The following KMT2D variants were observed in gnomAD, a reference collection of about 807,000 sequenced individuals.
KMT2D encodes the protein histone-lysine N-methyltransferase 2D.
KMT2D carries 55 observed loss-of-function variants against 512.7 expected under a neutral mutation model. That is an observed-to-expected ratio of 0.11 (90% CI 0.09 to 0.13). The LOEUF is 0.13. Ranked by LOEUF, KMT2D falls within the 10% of genes least tolerant of loss-of-function variation. The pLI is 1.00. For synonymous variants in KMT2D, 2,995 were observed against 2,904.0 expected, an observed-to-expected ratio of 1.03 and a Z score of -1.01; for missense variants, 6,061 against 7,127.9, an observed-to-expected ratio of 0.85 and a Z score of 5.39.
chr12:49,030,966 A>G lies in KMT2D; in HGVS notation c.13598T>C (p.Val4533Ala). The G allele has an allele frequency of 6.2e-7, 1 of 1,613,966 alleles. No individual in the cohort carries two copies. Among genetic ancestry groups the G allele is most frequent in the South Asian group, 1.1e-5 (1 of 91,082 alleles). ...KRVQKASDRLVSSRKKLRKED... is the reference protein window; with the variant it reads ...KRVQKASDRLASSRKKLRKED... ...CTTCCGCAGCTTCTTTCGGGAGCTC[A>G]CCAACCTGTCGCTTGCCTTCTGTAC... The change falls in exon 41 of 55, where the codon GTG (valine) becomes GCG (alanine). Residue 4533 changes from valine (V) to alanine (A), a missense_variant. This residue lies in a region of KMT2D where 1,600 missense variants were observed against 1,754.9 expected (regional missense o/e 0.91). Transcript: ENST00000301067.
rs2120571977 is a variant in KMT2D, at chr12:49,043,692, G to C, written c.5410C>G (p.Pro1804Ala). The C allele has an allele frequency of 6.2e-7, 1 of 1,613,972 alleles. No individual in the cohort carries two copies. ...GAGCCTCCATCTCCCTTGGCTTTTG[G>C]GGTCCCTAGTCCAAAGCTTGGCCGG... is the stretch of plus-strand genomic sequence containing the variant. Reference protein sequence around the residue: ...VGRPSFGLGTPKAKGDGGSER... With the variant: ...VGRPSFGLGTAKAKGDGGSER... Residue 1804 changes from proline to alanine, a missense_variant, in exon 24 of 55, where the codon CCA (proline) becomes GCA (alanine). By Grantham distance (27) the Pro-to-Ala change is conservative. Transcript: ENST00000301067.
chr12:49,022,229 G>C lies in KMT2D; in HGVS notation c.16412+51C>G, dbSNP rs1942364585. On this transcript the variant is annotated intron_variant, in intron 53 of 54. Transcript: ENST00000301067. The surrounding 1 kb of genome is among the most constrained non-coding windows in gnomAD (Gnocchi z 8.6). ...TGATTCCTTGTTCGTCTATCCCCCA[G>C]AGTGCCACTCTCAGGGACCACTAAA... The C allele has an allele frequency of 1.9e-6, 3 of 1,600,358 alleles. No homozygotes were observed. In the South Asian group the frequency reaches 3.3e-5, roughly 18 times the overall value.
At chr12:49,021,996 AAGG>A (rs773905446) in intron 54 of KMT2D, 44 bp downstream of exon 54, 1 of 1,576,560 alleles carries the variant, frequency 6.3e-7, no homozygotes, top group Non-Finnish European at 8.7e-7. Context: ...GAAGGGGTGA[AAGG>A]AGGAGGAGCT....
rs1283072905 is a variant in KMT2D at position 49,031,315 on chromosome 12, G to C, written c.13390C>G (p.Gln4464Glu). 1.2e-6 allele frequency: 2 copies of C among 1,613,472 alleles called. No homozygotes were observed. The highest frequency in any genetic ancestry group is 1.1e-5 in the South Asian group (1 of 91,090). Residue 4464 changes from glutamine (Q) to glutamate (E), a missense_variant, in exon 40 of 55, where the codon CAG becomes GAG. This residue lies in a region of KMT2D where 1,600 missense variants were observed against 1,754.9 expected (regional missense o/e 0.91). Coordinates refer to ENST00000301067, the MANE Select transcript of KMT2D (RefSeq NM_003482.4). The part of the protein sequence containing the change: ...PRSEAGHLLL[Q>E]KLLRAKNVQL... ...ACATTCTTTGCCCGGAGTAGCTTCT[G>C]CAAGAGCAGATGCCCAGCTTCTGAG...
At position 49,042,154 on chromosome 12, in the gene KMT2D, A is replaced by G. The variant is rs1420425888; in HGVS notation, c.6044T>C (p.Leu2015Pro). 6.2e-7 allele frequency: 1 copy of G among 1,613,246 alleles called. No individual in the cohort carries two copies. Among genetic ancestry groups the G allele is most frequent in the Admixed American group, 1.7e-5 (1 of 59,902 alleles). ...ATAGAGCACAGGTGAGATGGTGGACAGCTGGCCCAACTCCTCATCCTTCTC... is the reference window on the plus strand; with the variant it reads ...ATAGAGCACAGGTGAGATGGTGGACGGCTGGCCCAACTCCTCATCCTTCTC... ...RWEKDEELGQ[L>P]STISPVLYAN... Residue 2015 changes from leucine to proline, a missense_variant, in exon 29 of 55, where the codon CTG (leucine) becomes CCG (proline). Leu to Pro is a moderately conservative substitution (Grantham distance 98). Transcript: ENST00000301067. The surrounding 1 kb of genome is among the most constrained non-coding windows in gnomAD (Gnocchi z 4.4).
At position 49,028,731 on chromosome 12, in the gene KMT2D, T is replaced by C. The variant is rs909249051; in HGVS notation, c.14382+97A>G. On this transcript the variant is annotated intron_variant, in intron 46 of 54. Transcript: ENST00000301067. ...TCACATACAATAGGTACTCAGTACA[T>C]GTGCTTGAACGACTACATTTTTCCT... 1.7e-5 allele frequency: 25 copies of C among 1,493,672 alleles called. No homozygotes were observed. The South Asian group carries it at 2.7e-4, about 16-fold the overall frequency. The allele number at this position is 1,493,672 out of a possible 1,614,324, so 92.5% of individuals were successfully genotyped here.
In KMT2D at chr12:49,034,366, C is replaced by T. The variant is rs1761754002; in HGVS notation, c.10507+44G>A. On this transcript the variant is annotated intron_variant, in intron 38 of 54. Transcript: ENST00000301067. ...TCCCAATCCCTCTTCCTCCATATGACCCAAACCACTCCCCTGCACCTTCCT... is the reference window on the plus strand; with the variant it reads ...TCCCAATCCCTCTTCCTCCATATGATCCAAACCACTCCCCTGCACCTTCCT... 6 of 1,612,228 alleles carry T rather than the reference C, an allele frequency of 3.7e-6. No homozygotes were observed. In the Middle Eastern group the frequency reaches 4.9e-4, roughly 132 times the overall value.
chr12:49,032,558 T>C lies in KMT2D; in HGVS notation c.12147A>G (p.Leu4049=). 16 of 1,612,472 alleles carry C rather than the reference T, an allele frequency of 9.9e-6. No individual in the cohort carries two copies. The highest frequency in any genetic ancestry group is 1.4e-5 in the Non-Finnish European group (16 of 1,179,246). Residue 4049 remains leucine (L), a synonymous_variant, in exon 40 of 55, where the codon TTA becomes TTG. Coordinates refer to ENST00000301067, the MANE Select transcript of KMT2D (RefSeq NM_003482.4). The part of the protein sequence containing the change: ...EGPSTHQGGP[L]AIGTTPESMA... ...TTGACTCAGGGGTAGTTCCTATTGC[T>C]AACGGCCCTCCCTGATGTGTAGAGG...
rs777308502 is a variant in KMT2D, at chr12:49,055,335, G to T, written c.-11C>A. On this transcript the variant is annotated 5_prime_UTR_variant, in exon 2 of 55. Transcript: ENST00000301067. Reference sequence around the variant, plus strand: ...CTTCTGGCTGTCCATCCCTCTCTCCGACTGGGCAGGGCCCTCTCGGGGAGA... The same window carrying T: ...CTTCTGGCTGTCCATCCCTCTCTCCTACTGGGCAGGGCCCTCTCGGGGAGA... 19 of 1,613,490 alleles carry T rather than the reference G, an allele frequency of 1.2e-5. No individual in the cohort carries two copies. The highest frequency in any genetic ancestry group is 1.7e-5 in the Admixed American group (1 of 59,990).
rs774883599 is a variant in KMT2D, at chr12:49,033,692, G to A, written c.11013C>T (p.Pro3671=). ...GMALPGQPGG[P]FLNTALAQQQ... is the part of the protein sequence containing the mutation. Reference sequence around the variant, plus strand: ...GTTGGGCCAGAGCTGTATTAAGGAAGGGGCCACCAGGCTGTCCAGGTAGTG... The same window carrying A: ...GTTGGGCCAGAGCTGTATTAAGGAAAGGGCCACCAGGCTGTCCAGGTAGTG... The change falls in exon 40 of 55, where the codon CCC becomes CCT. Residue 3671 remains proline, a synonymous_variant. Transcript: ENST00000301067. 3.1e-6 allele frequency: 5 copies of A among 1,613,572 alleles called. No individual in the cohort carries two copies. The highest frequency in any genetic ancestry group is 4.2e-6 in the Non-Finnish European group (5 of 1,179,890).
rs1943001084 is a variant in KMT2D at position 49,032,852 on chromosome 12, C to T, written c.11853G>A (p.Gln3951=). ...GCTGTTGCTGTTGTAGCTGCTGTTG[C>T]TGCTGTTGAAGCTGTTGCTGCTGCT... is the stretch of plus-strand genomic sequence containing the variant. ...QQQQQQQLQQ[Q]QQQLQQQQQQ... The change falls in exon 40 of 55, where the codon CAG becomes CAA. Residue 3951 remains glutamine (Q), a synonymous_variant. Transcript: ENST00000301067. The T allele has an allele frequency of 6.5e-7, 1 of 1,550,022 alleles. No individual in the cohort carries two copies. Among genetic ancestry groups the T allele is most frequent in the African/African-American group, 1.4e-5 (1 of 72,960 alleles).
In KMT2D at chr12:49,042,110, T is replaced by C. The variant is rs771729772; in HGVS notation, c.6088A>G (p.Asn2030Asp). 2 of 1,613,574 alleles carry C rather than the reference T, an allele frequency of 1.2e-6. No homozygotes were observed. Among genetic ancestry groups the C allele is most frequent in the East Asian group, 2.2e-5 (1 of 44,880 alleles). Residue 2030 changes from asparagine to aspartate, a missense_variant, in exon 29 of 55, where the codon AAT becomes GAT. Coordinates refer to ENST00000301067, the MANE Select transcript of KMT2D (RefSeq NM_003482.4). The surrounding 1 kb of genome is among the most constrained non-coding windows in gnomAD (Gnocchi z 4.4). ...GTACCTGGGTAGTCTTGCTTGAGAT[T>C]AGGAAAATTAATGTTGGCATAGAGC... ...PVLYANINFP[N>D]LKQDYPDWSS... is the part of the protein sequence containing the mutation.
chr12:49,026,124 G>T lies in KMT2D; in HGVS notation c.15784+58C>A. ...GTCCTCTTATAGACATTGTAACAGT[G>T]ACCCTGGGAGAAACTTTTCCCATTC... On this transcript the variant is annotated intron_variant, in intron 49 of 54. Coordinates refer to ENST00000301067, the MANE Select transcript of KMT2D (RefSeq NM_003482.4). The surrounding 1 kb of genome is among the most constrained non-coding windows in gnomAD (Gnocchi z 9.6). The T allele has an allele frequency of 7.5e-6, 11 of 1,467,398 alleles. No individual in the cohort carries two copies. Among genetic ancestry groups the T allele is most frequent in the Non-Finnish European group, 9.2e-6 (10 of 1,088,308 alleles). 90.9% of individuals were successfully genotyped at this position (1,467,398 alleles called of 1,614,324 possible). A position where few individuals can be genotyped will look rare whatever the true frequency, so the allele number is the denominator to read the frequency against.
intron 10 of KMT2D, 53 bp downstream of exon 10, chr12:49,052,511 C>G (rs1293208490): frequency 1.3e-6 from 2 of 1,593,888 alleles, no homozygotes; most frequent in Non-Finnish European, 1.7e-6. Context: ...CAAACTGTCT[C>G]TTGCCATAGA....
rs587778465 is a variant in KMT2D, at chr12:49,040,958, G to A, written c.6812C>T (p.Pro2271Leu). The stretch of plus-strand genomic sequence containing the variant: ...CCCAAAAGGTGGGGGCGAGAGCAGG[G>A]GCTCGGAAGCTTTGCCTCCCCCTAC... ...PGVGGGKASE[P>L]LLSPPPFGES... The change falls in exon 32 of 55, where the codon CCC becomes CTC. Residue 2271 changes from proline to leucine, a missense_variant. Around this residue, in one of 16 missense-constraint regions of KMT2D, gnomAD observed 710 missense variants for 647.3 expected, o/e 1.10. Coordinates refer to ENST00000301067, the MANE Select transcript of KMT2D (RefSeq NM_003482.4). The A allele has an allele frequency of 6.2e-7, 1 of 1,611,500 alleles. No homozygotes were observed. Among genetic ancestry groups the A allele is most frequent in the Admixed American group, 1.7e-5 (1 of 59,610 alleles).
intron 9 of KMT2D, 63 bp downstream of exon 9, chr12:49,052,852 G>T (rs534623353): frequency 1.9e-6 from 3 of 1,603,468 alleles, no homozygotes; most frequent in Non-Finnish European, 2.6e-6. Flanking sequence ...ATTTAACAAG[G>T]CCCCTGCCAA....
rs533854462 is a variant in KMT2D, at chr12:49,040,046, G to A, written c.7724C>T (p.Pro2575Leu). The change falls in exon 32 of 55, where the codon CCT (proline) becomes CTT (leucine). Residue 2575 changes from proline to leucine, a missense_variant. Pro to Leu is a moderately conservative substitution (Grantham distance 98). This residue lies in a region of KMT2D where 527 missense variants were observed against 578.9 expected (regional missense o/e 0.91). Coordinates refer to ENST00000301067, the MANE Select transcript of KMT2D (RefSeq NM_003482.4). Reference sequence around the variant, plus strand: ...GGCTACTGTGTAGTTTGTGCTTTGAGGCTTGCCCAAGGTGGGGCCGGGCCC... The same window carrying A: ...GGCTACTGTGTAGTTTGTGCTTTGAAGCTTGCCCAAGGTGGGGCCGGGCCC... Reference protein sequence around the residue: ...HFGPGPTLGKPQSTNYTVATG... With the variant: ...HFGPGPTLGKLQSTNYTVATG... The A allele has an allele frequency of 8.1e-6, 13 of 1,613,882 alleles. No individual in the cohort carries two copies. In the African/African-American group the frequency reaches 9.3e-5, roughly 12 times the overall value.
In KMT2D at chr12:49,033,715, G is replaced by C. The variant is rs2120445745; in HGVS notation, c.10990C>G (p.Leu3664Val). 1 of 1,613,688 alleles carries C rather than the reference G, an allele frequency of 6.2e-7. No homozygotes were observed. The highest frequency in any genetic ancestry group is 8.5e-7 in the Non-Finnish European group (1 of 1,179,862). Residue 3664 changes from leucine to valine, a missense_variant, in exon 40 of 55, where the codon CTA becomes GTA. Physicochemically the swap from Leu to Val is conservative, Grantham distance 32 (BLOSUM62 1). This residue lies in a region of KMT2D where 1,600 missense variants were observed against 1,754.9 expected (regional missense o/e 0.91). Coordinates refer to ENST00000301067, the MANE Select transcript of KMT2D (RefSeq NM_003482.4). ...GLRLTPGGMALPGQPGGPFLN... is the reference protein window; with the variant it reads ...GLRLTPGGMAVPGQPGGPFLN... ...AAGGGGCCACCAGGCTGTCCAGGTAGTGCCATACCCCCAGGGGTCAGGCGA... is the reference window on the plus strand; with the variant it reads ...AAGGGGCCACCAGGCTGTCCAGGTACTGCCATACCCCCAGGGGTCAGGCGA...
At chr12:49,029,673 T>A (rs1942798861) in intron 43 of KMT2D, among the ~76,000 whole-genome samples, 197 bp from the exon 44 acceptor site, 1 of 120,044 alleles carries the variant, frequency 8.3e-6, no homozygotes, top group South Asian at 3.0e-4. Context: ...TTTTTGTTTT[T>A]TTTGTTTTTT....
Sources: allele counts gnomAD v4.1 joint callset (sites outside exome capture counted in the v4.1 genomes callset), GRCh38; gene constraint gnomAD v4.1.1; regional missense constraint gnomAD v4.1.1; non-coding constraint Gnocchi (gnomAD v3.1); transcripts MANE v1.5; gene names NCBI Gene and HGNC (gene_info 2026-07-23, HGNC 2026-07-21).